The following FERRY3 variants were observed in gnomAD, a reference collection of about 807,000 sequenced individuals.
The protein encoded by FERRY3 is protein C12orf4.
chr12:4,516,804 C>T, the FERRY3 span, among the ~76,000 whole-genome samples: 13 of 152,012 alleles, frequency 8.6e-5, 1 homozygote, highest in Non-Finnish European at 1.8e-4. Flanking sequence ...CCATGGCACA[C>T]GTTTACCTAT....
the FERRY3 span, among the ~76,000 whole-genome samples, chr12:4,536,982 C>CT: frequency 6.6e-6 from 1 of 152,188 alleles, no homozygotes; most frequent in Non-Finnish European, 1.5e-5. Flanking sequence ...TGTTCATCCG[C>CT]TTAAAAACTT....
the FERRY3 span, chr12:4,517,098 A>G: frequency 6.3e-7 from 1 of 1,592,500 alleles, no homozygotes; most frequent in South Asian, 1.2e-5. Context: ...GCTGGGTTCT[A>G]GCATAAAGTA....
At chr12:4,518,350 A>C in the FERRY3 span, 1 of 1,110,878 alleles carries the variant, frequency 9.0e-7, no homozygotes, top group Admixed American at 2.3e-5. Context: ...ATCCAGATAA[A>C]TCTGTACCAC....
the FERRY3 span, among the ~76,000 whole-genome samples, chr12:4,496,050 C>G: frequency 6.6e-6 from 1 of 152,304 alleles, no homozygotes; most frequent in Admixed American, 6.5e-5. Flanking sequence ...AGACAGCTAC[C>G]TGTATATGCA....
the FERRY3 span, chr12:4,517,047 T>C: frequency 6.6e-7 from 1 of 1,521,362 alleles, no homozygotes; most frequent in Middle Eastern, 1.7e-4. Flanking sequence ...ATAATAAAAG[T>C]GAGTTTTACC....
At chr12:4,502,521 G>A in the FERRY3 span, 3 of 407,530 alleles carry the variant, frequency 7.4e-6, no homozygotes, top group African/African-American at 6.3e-5. The surrounding 1 kb of genome is among the most constrained non-coding windows in gnomAD (Gnocchi z 4.2). Flanking sequence ...ACATAGAAAG[G>A]ATATGTTCTT....
At chr12:4,524,056 C>T in the FERRY3 span, among the ~76,000 whole-genome samples, 1 of 151,304 alleles carries the variant, frequency 6.6e-6, no homozygotes, top group African/African-American at 2.4e-5. Context: ...AAGAGTTTCT[C>T]ACTCTTGTTA....
the FERRY3 span, among the ~76,000 whole-genome samples, chr12:4,509,652 C>G: frequency 1.9e-4 from 28 of 143,684 alleles, no homozygotes; most frequent in Admixed American, 6.1e-4. Context: ...ACACCTCACA[C>G]GGCAGGGTAT....
the FERRY3 span, among the ~76,000 whole-genome samples, chr12:4,532,500 C>T: frequency 6.6e-6 from 1 of 152,150 alleles, no homozygotes; most frequent in African/African-American, 2.4e-5. Context: ...CCTGTACCAC[C>T]AGCCCAGATA....
At chr12:4,532,511 G>A in the FERRY3 span, among the ~76,000 whole-genome samples, 2 of 152,106 alleles carry the variant, frequency 1.3e-5, no homozygotes, top group Non-Finnish European at 2.9e-5. Context: ...AGCCCAGATA[G>A]TCATCGTTTA....
chr12:4,491,468 T>A, the FERRY3 span, among the ~76,000 whole-genome samples: 26,082 of 151,460 alleles, frequency 0.17, 3,211 homozygotes, highest in African/African-American at 0.35. Context: ...AGTTAAAAAA[T>A]ATATATATCC....
the FERRY3 span, among the ~76,000 whole-genome samples, chr12:4,528,896 TACACAC>T: frequency 0.028 from 3,647 of 131,526 alleles, 91 homozygotes; most frequent in East Asian, 0.11. Context: ...TTAAATCAGT[TACACAC>T]ACACACACAC....
the FERRY3 span, chr12:4,525,270 TG>T: frequency 6.8e-6 from 11 of 1,613,486 alleles, no homozygotes; most frequent in Non-Finnish European, 9.3e-6. Context: ...GAGCTGTTGT[TG>T]GGGTTTTTTA....
chr12:4,520,618 C>T, the FERRY3 span, among the ~76,000 whole-genome samples: 3 of 152,114 alleles, frequency 2.0e-5, no homozygotes, highest in Admixed American at 6.5e-5. Context: ...CTGACAGACA[C>T]GAAACCAAGC....
chr12:4,527,694 T>C, the FERRY3 span, among the ~76,000 whole-genome samples: 2 of 152,150 alleles, frequency 1.3e-5, no homozygotes, highest in East Asian at 1.9e-4. Context: ...GCAATAAATA[T>C]TACCTACCAG....
At chr12:4,536,194 T>G in the FERRY3 span, 1 of 1,559,966 alleles carries the variant, frequency 6.4e-7, no homozygotes, top group South Asian at 1.2e-5. Flanking sequence ...TTTTTCTTCA[T>G]ATTCTTTGAC....
the FERRY3 span, among the ~76,000 whole-genome samples, chr12:4,514,838 T>C: frequency 6.6e-6 from 1 of 152,044 alleles, no homozygotes; most frequent in Non-Finnish European, 1.5e-5. Context: ...TGTATACATA[T>C]GTAACTAACC....
the FERRY3 span, chr12:4,509,368 G>T: frequency 7.2e-5 from 12 of 167,168 alleles, no homozygotes; most frequent in Admixed American, 1.9e-4. Flanking sequence ...CAAAGCAGCC[G>T]GGAAGCTCCA....
the FERRY3 span, among the ~76,000 whole-genome samples, chr12:4,522,471 G>A: frequency 2.0e-5 from 3 of 152,266 alleles, no homozygotes; most frequent in Admixed American, 6.5e-5. Context: ...GTAAAATTAC[G>A]AGCTATCACT....
Sources: allele counts gnomAD v4.1 joint callset (sites outside exome capture counted in the v4.1 genomes callset), GRCh38; gene constraint gnomAD v4.1.1; non-coding constraint Gnocchi (gnomAD v3.1); transcripts MANE v1.5; gene names NCBI Gene and HGNC (gene_info 2026-07-23, HGNC 2026-07-21).